HSDL1: variants seen among roughly 807,000 people sequenced by gnomAD.
The protein encoded by HSDL1 is inactive hydroxysteroid dehydrogenase-like protein 1.
A neutral mutation model predicts 31.5 loss-of-function variants in HSDL1; 29 were observed. The observed-to-expected ratio is 0.92, with a 90% CI of 0.69 to 1.26. The LOEUF is 1.26. HSDL1 is among the 50% of genes most tolerant of loss of function. The pLI is 0.00. For missense variants in HSDL1, 503 were observed against 416.6 expected, an observed-to-expected ratio of 1.21 and a Z score of -1.81; for synonymous variants, 222 against 155.2, an observed-to-expected ratio of 1.43 and a Z score of -3.20.
chr16:84,131,521 C>CAA (rs1567520868), intron 2 of HSDL1, among the ~76,000 whole-genome samples, 194 bp from the exon 3 acceptor site: 5 of 150,494 alleles, frequency 3.3e-5, no homozygotes, highest in African/African-American at 9.8e-5. Flanking sequence ...ATCTATCTAT[C>CAA]TATCTATCTA....
chr16:84,128,773 T>A (rs1456904589), intron 5 of HSDL1, among the ~76,000 whole-genome samples: 1 of 151,960 alleles, frequency 6.6e-6, no homozygotes, highest in Non-Finnish European at 1.5e-5. Context: ...AGTAGCGTGA[T>A]CTTGGCTCAC....
Position 84,122,270 on chromosome 16 carries a change from G to C in HSDL1, c.*2360C>G, listed in dbSNP as rs1555515943. The C allele has an allele frequency of 6.6e-6, 1 of 152,092 alleles. No homozygotes were observed. The highest frequency in any genetic ancestry group is 1.5e-5 in the Non-Finnish European group (1 of 67,980). 9.4% of individuals were successfully genotyped at this position (152,092 alleles called of 1,614,324 possible). ...CAAACAACCAAATTACAAACATCTGGAACAAAACTCTTCCAAAGGAAACAA... is the reference window on the plus strand; with the variant it reads ...CAAACAACCAAATTACAAACATCTGCAACAAAACTCTTCCAAAGGAAACAA... On this transcript the variant is annotated 3_prime_UTR_variant, in exon 6 of 6. Transcript: ENST00000219439.
chr16:84,127,087 C>G (rs1597371798), intron 5 of HSDL1, among the ~76,000 whole-genome samples: 1 of 152,010 alleles, frequency 6.6e-6, no homozygotes, highest in Non-Finnish European at 1.5e-5. Context: ...ACCTGATCCT[C>G]ATATCTTTAT....
chr16:84,141,252 C>G (rs1296064810), intron 1 of HSDL1, among the ~76,000 whole-genome samples: 3 of 152,170 alleles, frequency 2.0e-5, no homozygotes, highest in Non-Finnish European at 4.4e-5. Flanking sequence ...TCCTCGGCAG[C>G]TGCACAGTAT....
intron 2 of HSDL1, 72 bp from the exon 3 acceptor site, chr16:84,131,399 G>C (rs1597375035): frequency 2.8e-6 from 3 of 1,054,194 alleles, no homozygotes; most frequent in Non-Finnish European, 2.9e-6. Context: ...TCTGAGTGAA[G>C]ACATCCAGCT....
At chr16:84,140,324 G>C (rs1258350925) in intron 1 of HSDL1, among the ~76,000 whole-genome samples, 1 of 152,150 alleles carries the variant, frequency 6.6e-6, no homozygotes, top group East Asian at 1.9e-4. Flanking sequence ...GAGTGCAATG[G>C]TGCAATTTCT....
rs2086563822 is a variant in HSDL1 at position 84,122,447 on chromosome 16, TC to T, written c.*2182del. On this transcript the variant is annotated 3_prime_UTR_variant, in exon 6 of 6. Coordinates refer to ENST00000219439, the MANE Select transcript of HSDL1 (RefSeq NM_031463.5). ...ATCTTGGCTCACTTCAACCTCTGCA[TC>T]CTGGGCTCAAAAAATTCTCCTGCCT... The T allele has an allele frequency of 1.3e-5, 2 of 152,280 alleles. No homozygotes were observed. The highest frequency in any genetic ancestry group is 4.8e-5 in the African/African-American group (2 of 41,314). 9.4% of individuals were successfully genotyped at this position (152,280 alleles called of 1,614,324 possible). A position where few individuals can be genotyped will look rare whatever the true frequency, so the allele number is the denominator to read the frequency against.
intron 1 of HSDL1, among the ~76,000 whole-genome samples, chr16:84,141,587 T>C (rs995912688): frequency 1.3e-5 from 2 of 152,238 alleles, no homozygotes. Context: ...CCAAATGCTT[T>C]TGCAAAGCGG....
intron 2 of HSDL1, among the ~76,000 whole-genome samples, chr16:84,133,133 G>A (rs1433109487): frequency 6.6e-6 from 1 of 151,818 alleles, no homozygotes; most frequent in Non-Finnish European, 1.5e-5. Flanking sequence ...GAACCAAGCA[G>A]AAGAAAACAA....
chr16:84,124,590 T>TC lies in HSDL1; in HGVS notation c.*39dup. On this transcript the variant is annotated 3_prime_UTR_variant, in exon 6 of 6. Coordinates refer to ENST00000219439, the MANE Select transcript of HSDL1 (RefSeq NM_031463.5). ...TTTCCAAATGTCAGAATATCGAGGT[T>TC]CCCAGGAGTTGGCAAAACTTCTCAA... is the stretch of plus-strand genomic sequence containing the variant. 1 of 1,211,880 alleles carries TC rather than the reference T, an allele frequency of 8.3e-7. No individual in the cohort carries two copies. The highest frequency in any genetic ancestry group is 1.2e-5 in the South Asian group (1 of 82,764). The allele number at this position is 1,211,880 out of a possible 1,614,324, so 75.1% of individuals were successfully genotyped here. A position where few individuals can be genotyped will look rare whatever the true frequency, so the allele number is the denominator to read the frequency against.
chr16:84,130,330 C>T lies in HSDL1; in HGVS notation c.322G>A (p.Ala108Thr). Residue 108 changes from alanine (A) to threonine (T), a missense_variant, in exon 4 of 6, where the codon GCT becomes ACT. Physicochemically the swap from Ala to Thr is moderately conservative, Grantham distance 58. Coordinates refer to ENST00000219439, the MANE Select transcript of HSDL1 (RefSeq NM_031463.5). ...SRNEEKLQVV[A>T]KDIADTYKVE... ...TTGTACGTGTCGGCTATGTCTTTAGCAACAACCTGCAACTTCTCCTCGTTC... is the reference window on the plus strand; with the variant it reads ...TTGTACGTGTCGGCTATGTCTTTAGTAACAACCTGCAACTTCTCCTCGTTC... The T allele has an allele frequency of 6.2e-7, 1 of 1,614,222 alleles. No individual in the cohort carries two copies. Among genetic ancestry groups the T allele is most frequent in the Non-Finnish European group, 8.5e-7 (1 of 1,180,032 alleles).
chr16:84,128,288 T>G (rs1404589159), intron 5 of HSDL1, among the ~76,000 whole-genome samples: 1 of 147,830 alleles, frequency 6.8e-6, no homozygotes, highest in Admixed American at 6.7e-5. Flanking sequence ...GAATTCCATC[T>G]CAAAAAAAAA....
In HSDL1 at chr16:84,124,069, A is replaced by G. The variant is rs1021105553; in HGVS notation, c.*561T>C. On this transcript the variant is annotated 3_prime_UTR_variant, in exon 6 of 6. Transcript: ENST00000219439. ...AAAGTTGCTCAAAGGCACCACACAC[A>G]CGCACACACACGGTTCTCTAATGAA... is the stretch of plus-strand genomic sequence containing the variant. 1 of 153,090 alleles carries G rather than the reference A, an allele frequency of 6.5e-6. No individual in the cohort carries two copies. The highest frequency in any genetic ancestry group is 1.5e-5 in the Non-Finnish European group (1 of 68,660). 9.5% of individuals were successfully genotyped at this position (153,090 alleles called of 1,614,324 possible). A position where few individuals can be genotyped will look rare whatever the true frequency, so the allele number is the denominator to read the frequency against.
chr16:84,133,965 G>C (rs561471443), intron 2 of HSDL1, among the ~76,000 whole-genome samples: 80 of 152,260 alleles, frequency 5.3e-4, no homozygotes, highest in Non-Finnish European at 1.0e-3. Context: ...TTATGAACCA[G>C]ATTGGCTGAG....
At chr16:84,143,535 T>C (rs578129588) in intron 1 of HSDL1, among the ~76,000 whole-genome samples, 2 of 152,272 alleles carry the variant, frequency 1.3e-5, no homozygotes, top group East Asian at 1.9e-4. Context: ...GATGGTTGCA[T>C]AGCATTGTGA....
chr16:84,134,236 G>C (rs2086692436), intron 2 of HSDL1, among the ~76,000 whole-genome samples: 1 of 152,146 alleles, frequency 6.6e-6, no homozygotes, highest in African/African-American at 2.4e-5. Context: ...CACGGTATCA[G>C]AGTTTTCACA....
intron 1 of HSDL1, among the ~76,000 whole-genome samples, chr16:84,137,112 C>T (rs1295516953): frequency 1.3e-5 from 2 of 152,222 alleles, no homozygotes; most frequent in Non-Finnish European, 2.9e-5. Flanking sequence ...TAAACCAGGA[C>T]TCCGTGCCAC....
intron 1 of HSDL1, among the ~76,000 whole-genome samples, chr16:84,138,628 TATAAA>T (rs1274070590): frequency 6.6e-6 from 1 of 152,202 alleles, no homozygotes; most frequent in Non-Finnish European, 1.5e-5. Flanking sequence ...GTTGGAAAAA[TATAAA>T]ATAATTTAAA....
In HSDL1 at chr16:84,131,276, T is replaced by A. The variant is rs1453881003; in HGVS notation, c.46A>T (p.Arg16Trp). Reference sequence around the variant, plus strand: ...GCTTCCATATAGCAATTGCAAGACCTGGCGATTTCCCTGTACAAGAGGTAG... The same window carrying A: ...GCTTCCATATAGCAATTGCAAGACCAGGCGATTTCCCTGTACAAGAGGTAG... ...SFYLLYREIARSCNCYMEALA... is the reference protein window; with the variant it reads ...SFYLLYREIAWSCNCYMEALA... Residue 16 changes from arginine to tryptophan, a missense_variant, in exon 3 of 6, where the codon AGG becomes TGG. Coordinates refer to ENST00000219439, the MANE Select transcript of HSDL1 (RefSeq NM_031463.5). 2 of 1,614,002 alleles carry A rather than the reference T, an allele frequency of 1.2e-6. No individual in the cohort carries two copies. Among genetic ancestry groups the A allele is most frequent in the Non-Finnish European group, 1.7e-6 (2 of 1,180,020 alleles).
Sources: allele counts gnomAD v4.1 joint callset (sites outside exome capture counted in the v4.1 genomes callset), GRCh38; gene constraint gnomAD v4.1.1; transcripts MANE v1.5; gene names NCBI Gene and HGNC (gene_info 2026-07-23, HGNC 2026-07-21).